CCN4: variants seen among roughly 807,000 people sequenced by gnomAD.
The protein encoded by CCN4 is CCN family member 4.
In CCN4, 30 loss-of-function variants were observed where a neutral mutation model predicts 36.7. That is an observed-to-expected ratio of 0.82 (90% confidence interval 0.61 to 1.11). The LOEUF (loss-of-function observed/expected upper bound fraction) is 1.11, where lower values mean the gene tolerates loss of function less well. CCN4 is among the 50% of genes least tolerant of loss of function. The probability of loss-of-function intolerance (pLI) is 0.00; values close to 1 mark genes in which losing one functional copy is unlikely to be tolerated. For synonymous variants in CCN4, 191 were observed against 195.4 expected, an observed-to-expected ratio of 0.98 and a Z score of 0.19; for missense variants, 505 against 504.9, an observed-to-expected ratio of 1.00 and a Z score of 0.00.
At chr8:133,213,458 T>A (rs1031567929) in intron 2 of CCN4, among the ~76,000 whole-genome samples, 1 of 152,118 alleles carries the variant, frequency 6.6e-6, no homozygotes, top group Non-Finnish European at 1.5e-5. Flanking sequence ...AGTGGTAGGA[T>A]CTTTTAACAA....
intron 2 of CCN4, among the ~76,000 whole-genome samples, chr8:133,213,700 T>C (rs1415493282): frequency 6.8e-6 from 1 of 147,762 alleles, no homozygotes; most frequent in Non-Finnish European, 1.5e-5. Context: ...AGAAATATAC[T>C]ATATATTCTA....
intron 2 of CCN4, among the ~76,000 whole-genome samples, chr8:133,219,250 C>T (rs752610002): frequency 2.6e-5 from 4 of 152,202 alleles, no homozygotes; most frequent in Admixed American, 6.5e-5. Context: ...GAAGCCTTCT[C>T]GGACCTCCTC....
At chr8:133,227,122 A>G (rs1263056190) in intron 4 of CCN4, among the ~76,000 whole-genome samples, 1 of 152,172 alleles carries the variant, frequency 6.6e-6, no homozygotes, top group Non-Finnish European at 1.5e-5. Context: ...AACCATGATG[A>G]ATGACTGGCC....
chr8:133,224,124 T>C (rs991045312), intron 3 of CCN4, among the ~76,000 whole-genome samples: 1 of 151,404 alleles, frequency 6.6e-6, no homozygotes, highest in Admixed American at 6.6e-5. Flanking sequence ...CAGGTGGGGA[T>C]CCTGAGGCAA....
intron 2 of CCN4, among the ~76,000 whole-genome samples, chr8:133,215,965 C>T (rs11774084): frequency 0.45 from 68,414 of 151,464 alleles, 15,807 homozygotes; most frequent in Middle Eastern, 0.56. Flanking sequence ...TCAGATAGTT[C>T]CTTACCCACC....
At chr8:133,199,683 G>T in intron 1 of CCN4, among the ~76,000 whole-genome samples, 1 of 152,172 alleles carries the variant, frequency 6.6e-6, no homozygotes, top group East Asian at 1.9e-4. Context: ...ATTTAAATCT[G>T]TCGCCTACAT....
intron 1 of CCN4, among the ~76,000 whole-genome samples, chr8:133,202,273 G>T (rs567848158): frequency 1.3e-5 from 2 of 152,306 alleles, no homozygotes; most frequent in Non-Finnish European, 2.9e-5. Context: ...CATATAGTGG[G>T]CAGGCCCTTA....
intron 1 of CCN4, among the ~76,000 whole-genome samples, chr8:133,212,420 G>C (rs547566207): frequency 5.3e-5 from 8 of 152,168 alleles, no homozygotes; most frequent in Non-Finnish European, 1.2e-4. Context: ...AACTCTCGGT[G>C]AGTGAAGGAA....
intron 1 of CCN4, among the ~76,000 whole-genome samples, chr8:133,191,549 G>C (rs1413186779): frequency 1.3e-5 from 2 of 152,162 alleles, no homozygotes; most frequent in Non-Finnish European, 2.9e-5. Context: ...CGCCTAACCT[G>C]GCTGTGTGGC....
intron 2 of CCN4, among the ~76,000 whole-genome samples, chr8:133,217,314 A>G (rs1455684345): frequency 6.6e-6 from 1 of 152,254 alleles, no homozygotes; most frequent in Non-Finnish European, 1.5e-5. Flanking sequence ...CCCTGCTGAC[A>G]GCGTGAGCTG....
In CCN4 at chr8:133,227,716, C is replaced by T; in HGVS notation, c.*6C>T. 1 of 1,609,566 alleles carries T rather than the reference C, an allele frequency of 6.2e-7. No homozygotes were observed. Among genetic ancestry groups the T allele is most frequent in the Admixed American group, 1.7e-5 (1 of 59,842 alleles). ...TCTCAGAAATTGCCAACTAGGCAGG[C>T]ACAAATCTTGGGTCTTGGGGACTAA... is the stretch of plus-strand genomic sequence containing the variant. On this transcript the variant is annotated 3_prime_UTR_variant, in exon 5 of 5. Transcript: ENST00000250160.
chr8:133,223,229 G>A (rs1176775836), intron 3 of CCN4, among the ~76,000 whole-genome samples: 1 of 152,158 alleles, frequency 6.6e-6, no homozygotes, highest in Non-Finnish European at 1.5e-5. Context: ...CAGGGAGGCA[G>A]AAGCTGTCTG....
At chr8:133,213,320 A>T (rs116778434) in intron 2 of CCN4, among the ~76,000 whole-genome samples, 177 bp downstream of exon 2, 2,662 of 151,882 alleles carry the variant, frequency 0.018, 73 homozygotes, top group African/African-American at 0.062. Flanking sequence ...GGAGGCAAGG[A>T]TGCCTGCACT....
intron 1 of CCN4, among the ~76,000 whole-genome samples, chr8:133,197,653 G>A (rs1044793464): frequency 6.6e-5 from 10 of 152,296 alleles, no homozygotes; most frequent in Middle Eastern, 3.4e-3. Flanking sequence ...CATTCCAGGG[G>A]ATGCGATAAA....
chr8:133,205,909 G>A (rs144272782), intron 1 of CCN4, among the ~76,000 whole-genome samples: 1,789 of 152,220 alleles, frequency 0.012, 15 homozygotes, highest in Admixed American at 0.018. Flanking sequence ...AAGCAAATAG[G>A]TATTTGTTTT....
chr8:133,212,898 C>T lies in CCN4; in HGVS notation c.104C>T (p.Thr35Ile). 1.9e-6 allele frequency: 3 copies of T among 1,609,356 alleles called. No individual in the cohort carries two copies. The highest frequency in any genetic ancestry group is 2.5e-6 in the Non-Finnish European group (3 of 1,176,748). The change falls in exon 2 of 5, where the codon ACC becomes ATC. Residue 35 changes from threonine to isoleucine, a missense_variant. Thr to Ile is a moderately conservative substitution (Grantham distance 89). Transcript: ENST00000250160. ...CCAGCCCCTACGACCATGGACTTTA[C>T]CCCAGCTCCACTGGAGGACACCTCC... The part of the protein sequence containing the change: ...LSPAPTTMDF[T>I]PAPLEDTSSR...
At chr8:133,227,117 T>C (rs1359757429) in intron 4 of CCN4, among the ~76,000 whole-genome samples, 1 of 152,104 alleles carries the variant, frequency 6.6e-6, no homozygotes, top group African/African-American at 2.4e-5. Flanking sequence ...GGTGAAACCA[T>C]GATGAATGAC....
intron 2 of CCN4, among the ~76,000 whole-genome samples, chr8:133,219,680 T>A (rs955209421): frequency 6.6e-6 from 1 of 152,256 alleles, no homozygotes; most frequent in African/African-American, 2.4e-5. Flanking sequence ...TAATTCTCGA[T>A]CACTGAAAAT....
intron 1 of CCN4, among the ~76,000 whole-genome samples, chr8:133,200,830 T>C (rs1192035355): frequency 6.6e-6 from 1 of 152,160 alleles, no homozygotes; most frequent in Non-Finnish European, 1.5e-5. Flanking sequence ...CTCCGTGTCC[T>C]TGAACATTAA....
Sources: gnomAD v4.1 joint callset for allele counts (sites outside exome capture counted in the v4.1 genomes callset) on GRCh38, gnomAD v4.1.1 for gene constraint, MANE v1.5 for transcripts, NCBI Gene and HGNC (gene_info 2026-07-23, HGNC 2026-07-21) for gene names.